Variants in PLCG2 observed in about 807,000 individuals in gnomAD.
PLCG2 encodes the protein 1-phosphatidylinositol 4,5-bisphosphate phosphodiesterase gamma-2.
PLCG2 carries 69 observed loss-of-function variants against 175.6 expected under a neutral mutation model. The observed-to-expected ratio is 0.39, with a 90% CI of 0.32 to 0.48. PLCG2 has a LOEUF of 0.48. Ranked by LOEUF, PLCG2 falls within the 20% of genes least tolerant of loss-of-function variation. The pLI, the probability that PLCG2 is intolerant of heterozygous loss-of-function variation, is 0.91. For missense variants in PLCG2, 1,798 were observed against 1,650.9 expected, an observed-to-expected ratio of 1.09 and a Z score of -1.54; for synonymous variants, 827 against 624.0, an observed-to-expected ratio of 1.33 and a Z score of -4.85.
chr16:81,816,483 AT>A (rs35287968), intron 2 of PLCG2, among the ~76,000 whole-genome samples: 6 of 147,130 alleles, frequency 4.1e-5, no homozygotes, highest in African/African-American at 1.0e-4. Flanking sequence ...CCTCATTATA[AT>A]TTTTTTTTTT....
At position 81,750,662 on chromosome 16, in the gene PLCG2, G is replaced by GTTTTTTTT. The variant is rs1567692941; in HGVS notation, c.-144-5208_-144-5207insTTTTTTTT. Among the ~76,000 whole-genome samples the GTTTTTTTT allele has an allele frequency of 4.8e-4, 9 of 18,580 alleles. 1 individual carries two copies. Among genetic ancestry groups the GTTTTTTTT allele is most frequent in the Non-Finnish European group, 9.5e-4 (8 of 8,426 alleles). The allele number at this position is 18,580 out of a possible 152,430, so 12.2% of individuals were successfully genotyped here. On this transcript the variant is annotated intron_variant, in intron 1 of 5. Coordinates refer to the PLCG2 transcript ENST00000565054. ...TTTAAAAAGCAGAATGGGGACTGGA[G>GTTTTTTTT]ATTTTTTTTTTTTTTTTTTTTTTGA...
chr16:81,884,299 C>G (rs552189514), intron 9 of PLCG2, among the ~76,000 whole-genome samples: 12 of 151,938 alleles, frequency 7.9e-5, no homozygotes, highest in African/African-American at 2.7e-4. Flanking sequence ...TGCAGTGAGC[C>G]GAGATTGCGC....
intron 11 of PLCG2, among the ~76,000 whole-genome samples, chr16:81,892,140 C>G (rs1464994719): frequency 6.6e-6 from 1 of 152,178 alleles, no homozygotes; most frequent in Non-Finnish European, 1.5e-5. Context: ...TGCCAAGGCC[C>G]TGGGGCAGGA....
At chr16:81,906,408 C>G (rs1214878852) in intron 15 of PLCG2, 1 of 152,124 alleles carries the variant, frequency 6.6e-6, no homozygotes. Context: ...ACATACATAT[C>G]AAAGGCAATA....
intron 2 of PLCG2, among the ~76,000 whole-genome samples, chr16:81,797,128 G>A (rs978696737): frequency 2.0e-5 from 3 of 152,160 alleles, no homozygotes. Flanking sequence ...GGTAAACGAG[G>A]GAGGCAGCAT....
In PLCG2 at chr16:81,944,304, T is replaced by G. The variant is rs75687983; in HGVS notation, c.3482-1871T>G. Among the ~76,000 whole-genome samples, 497 of 147,594 alleles carry G rather than the reference T, an allele frequency of 3.4e-3. 4 individuals are homozygous for G. The highest frequency in any genetic ancestry group is 0.012 in the African/African-American group (476 of 41,344). On this transcript the variant is annotated intron_variant, in intron 30 of 32. Coordinates refer to ENST00000564138, the MANE Select transcript of PLCG2 (RefSeq NM_002661.5). Reference sequence around the variant, plus strand: ...CAACCAAGCTTGGGTTGAAAATATTTTTGAAAACATTATGTATCGAACATA... The same window carrying G: ...CAACCAAGCTTGGGTTGAAAATATTGTTGAAAACATTATGTATCGAACATA...
At chr16:81,815,630 C>G (rs901620679) in intron 2 of PLCG2, among the ~76,000 whole-genome samples, 3 of 152,144 alleles carry the variant, frequency 2.0e-5, no homozygotes, top group Admixed American at 6.5e-5. Context: ...AACACAAGTC[C>G]CTCTTCAGCT....
At chr16:81,836,621 G>T (rs1188486415) in intron 2 of PLCG2, among the ~76,000 whole-genome samples, 1 of 152,176 alleles carries the variant, frequency 6.6e-6, no homozygotes, top group Admixed American at 6.5e-5. Flanking sequence ...CACTCCTTTG[G>T]TCCCAGCTCC....
At chr16:81,771,504 T>A (rs143107712) in intron 2 of PLCG2, among the ~76,000 whole-genome samples, 197 of 152,276 alleles carry the variant, frequency 1.3e-3, no homozygotes, top group African/African-American at 4.5e-3. Flanking sequence ...CTCTGAGAAG[T>A]CTTCGCAGCT....
intron 6 of PLCG2, 104 bp from the exon 7 acceptor site, chr16:81,870,748 A>C: frequency 1.6e-6 from 1 of 608,846 alleles, no homozygotes; most frequent in Non-Finnish European, 2.8e-6. Context: ...CATGCCAATA[A>C]AATAGCATGC....
intron 2 of PLCG2, among the ~76,000 whole-genome samples, chr16:81,798,109 G>A (rs1233019685): frequency 6.6e-6 from 1 of 152,114 alleles, no homozygotes; most frequent in Non-Finnish European, 1.5e-5. Context: ...GGGATTACAG[G>A]TGTGAGTCAC....
At chr16:81,878,843 C>G (rs1396432118) in intron 7 of PLCG2, among the ~76,000 whole-genome samples, 1 of 152,174 alleles carries the variant, frequency 6.6e-6, no homozygotes, top group African/African-American at 2.4e-5. Flanking sequence ...GCGTTTGTGG[C>G]TCTTGGCTTT....
chr16:81,755,490 G>A (rs1363806895), intron 1 of PLCG2, among the ~76,000 whole-genome samples: 1 of 151,518 alleles, frequency 6.6e-6, no homozygotes, highest in African/African-American at 2.4e-5. Flanking sequence ...ACAAGCGTGA[G>A]CCACCAAACC....
chr16:81,957,072 T>C (rs1597157435), intron 32 of PLCG2, among the ~76,000 whole-genome samples, 193 bp downstream of exon 32: 1 of 151,246 alleles, frequency 6.6e-6, no homozygotes, highest in African/African-American at 2.4e-5. Context: ...GCTGAGGAGG[T>C]TGGATCACCT....
intron 7 of PLCG2, among the ~76,000 whole-genome samples, chr16:81,874,948 GTTTTTTTTT>G (rs770994063): frequency 2.1e-3 from 86 of 40,768 alleles, no homozygotes; most frequent in African/African-American, 6.5e-3. Context: ...TATCCTATGT[GTTTTTTTTT>G]TTTTTTTTTT....
intron 14 of PLCG2, among the ~76,000 whole-genome samples, chr16:81,904,662 T>G (rs528257983): frequency 6.6e-6 from 1 of 152,304 alleles, no homozygotes; most frequent in African/African-American, 2.4e-5. Context: ...GTGTTGTTGT[T>G]TATTCACCGA....
intron 2 of PLCG2, among the ~76,000 whole-genome samples, chr16:81,756,516 C>G (rs1008638789): frequency 2.6e-5 from 4 of 152,182 alleles, no homozygotes; most frequent in African/African-American, 9.7e-5. Context: ...AGCCTGTACT[C>G]AATCCAGGTC....
rs1597158662 is a variant in PLCG2 at position 81,959,102 on chromosome 16, G to C, written c.*1104G>C. ...TAATGTAATATGGCTTTTTAAAGGA[G>C]AGGAGAGTGCTGGGTTGGGAAGGGA... On this transcript the variant is annotated 3_prime_UTR_variant, in exon 33 of 33. Transcript: ENST00000564138. The C allele has an allele frequency of 4.5e-6, 1 of 223,954 alleles. No individual in the cohort carries two copies. The highest frequency in any genetic ancestry group is 6.5e-5 in the East Asian group (1 of 15,416). The allele number at this position is 223,954 out of a possible 1,614,324, so 13.9% of individuals were successfully genotyped here. A position where few individuals can be genotyped will look rare whatever the true frequency, so the allele number is the denominator to read the frequency against.
At chr16:81,928,478 A>G in intron 23 of PLCG2, 80 bp from the exon 24 acceptor site, 2 of 887,982 alleles carry the variant, frequency 2.3e-6, no homozygotes, top group South Asian at 2.6e-5. Flanking sequence ...TATCTCTGCT[A>G]AACGGTGTGC....
Sources: allele counts gnomAD v4.1 joint callset (sites outside exome capture counted in the v4.1 genomes callset), GRCh38; gene constraint gnomAD v4.1.1; transcripts MANE v1.5; gene names NCBI Gene and HGNC (gene_info 2026-07-23, HGNC 2026-07-21).